The following CFAP47 variants were observed in gnomAD, a reference collection of about 807,000 sequenced individuals.
CFAP47 encodes the protein cilia and flagella associated protein 47, also known as cilia- and flagella-associated protein 47.
CFAP47 carries 29 observed loss-of-function variants against 148.1 expected under a neutral mutation model. The ratio of observed to expected loss-of-function variants is 0.20; its 90% confidence interval spans 0.15 to 0.27. CFAP47 has a LOEUF of 0.27. Ranked by LOEUF, CFAP47 falls within the 10% of genes least tolerant of loss-of-function variation. The pLI is 1.00. For missense variants in CFAP47, 1,872 were observed against 1,697.5 expected (o/e 1.10, Z -1.81); for synonymous variants, 664 against 577.3 (o/e 1.15, Z -2.15).
intron 53 of CFAP47, among the ~76,000 whole-genome samples, chrX:36,301,488 A>T (rs1408656345): frequency 9.1e-6 from 1 of 110,169 alleles, no homozygotes; most frequent in Admixed American, 9.9e-5. Context: ...ATCAAACAGA[A>T]AAAAGTTCAT....
chrX:36,081,150 A>G (rs112230691), intron 29 of CFAP47, among the ~76,000 whole-genome samples: 2 of 111,370 alleles, frequency 1.8e-5, no homozygotes, highest in African/African-American at 6.5e-5. Context: ...CACAATCAAA[A>G]TCACTAAATG....
intron 33 of CFAP47, among the ~76,000 whole-genome samples, chrX:36,125,931 T>C (rs2336368): frequency 0.098 from 10,894 of 111,000 alleles, 1,064 homozygotes; most frequent in African/African-American, 0.3. Context: ...TAAATATGTG[T>C]AACACTTATA....
intron 51 of CFAP47, among the ~76,000 whole-genome samples, chrX:36,296,928 A>G (rs782717209): frequency 5.4e-5 from 6 of 111,929 alleles, no homozygotes; most frequent in Non-Finnish European, 9.4e-5. Flanking sequence ...GTCACTGTTC[A>G]GTATTTTACA....
intron 48 of CFAP47, among the ~76,000 whole-genome samples, chrX:36,237,262 T>A (rs1940479956): frequency 8.9e-6 from 1 of 112,547 alleles, no homozygotes; most frequent in African/African-American, 3.2e-5. Flanking sequence ...GTGTAAATAA[T>A]GGTGGAAATA....
chrX:36,034,244 G>T (rs894930758), intron 23 of CFAP47, among the ~76,000 whole-genome samples: 7 of 111,378 alleles, frequency 6.3e-5, no homozygotes, highest in Non-Finnish European at 7.6e-5. Flanking sequence ...CACCTGATTA[G>T]ACTGAGTTTT....
intron 48 of CFAP47, among the ~76,000 whole-genome samples, chrX:36,249,026 C>T (rs1015279278): frequency 5.5e-5 from 6 of 109,772 alleles, no homozygotes; most frequent in Middle Eastern, 9.5e-3. Flanking sequence ...TTAGGAGGTG[C>T]ACCTGAAGCA....
chrX:36,129,303 A>T (rs1293769060), intron 33 of CFAP47, among the ~76,000 whole-genome samples: 1 of 110,200 alleles, frequency 9.1e-6, no homozygotes, highest in Non-Finnish European at 1.9e-5. Context: ...TTTTATTTTC[A>T]ATTTTTTTCT....
intron 27 of CFAP47, among the ~76,000 whole-genome samples, chrX:36,070,758 C>T (rs932073378): frequency 9.0e-5 from 10 of 111,642 alleles, no homozygotes; most frequent in Non-Finnish European, 1.7e-4. Flanking sequence ...TCCCAAAGTG[C>T]TGGGATTATA....
intron 51 of CFAP47, among the ~76,000 whole-genome samples, chrX:36,289,414 T>G (rs1391040574): frequency 2.7e-5 from 3 of 111,644 alleles, no homozygotes; most frequent in African/African-American, 9.8e-5. Flanking sequence ...GAAGCAAAAT[T>G]AGCATTCTGC....
chrX:36,269,527 C>A (rs967650857), intron 49 of CFAP47, among the ~76,000 whole-genome samples: 2 of 112,445 alleles, frequency 1.8e-5, no homozygotes, highest in Admixed American at 9.4e-5. Flanking sequence ...AACTACACTT[C>A]TGCACTTTGT....
chrX:36,082,375 G>T (rs1210476244), intron 29 of CFAP47, among the ~76,000 whole-genome samples: 1 of 111,573 alleles, frequency 9.0e-6, no homozygotes, highest in East Asian at 2.8e-4. Context: ...GAAGATAGAA[G>T]TAGCCCTGGA....
chrX:36,144,278 C>T lies in CFAP47; in HGVS notation c.5536-941C>T, dbSNP rs767263505. On this transcript the variant is annotated intron_variant, in intron 35 of 63. Coordinates refer to ENST00000378653, the MANE Select transcript of CFAP47 (RefSeq NM_001304548.2). The stretch of plus-strand genomic sequence containing the variant: ...TCTTCTGAGTTCCGACTAGCTTTTA[C>T]GGAGTCTGAGGTTACTAGATCAGTG... 8.1e-5 allele frequency among the ~76,000 whole-genome samples: 9 copies of T among 111,071 alleles called. No homozygotes were observed. In the East Asian group the frequency reaches 2.0e-3, roughly 25 times the overall value.
Position 35,956,065 on chromosome X carries a change from G to A in CFAP47, c.1279G>A (p.Gly427Ser). Residue 427 changes from glycine (G) to serine (S), a missense_variant, in exon 8 of 64, where the codon GGT (glycine) becomes AGT (serine). Coordinates refer to ENST00000378653, the MANE Select transcript of CFAP47 (RefSeq NM_001304548.2). The part of the protein sequence containing the change: ...PVLNFKPCFM[G>S]ERSEIQCIIK... ...TCTTAATTTTAAACCTTGTTTCATG[G>A]GTGAACGTTCAGAAATTCAGTGCAT... The A allele has an allele frequency of 8.3e-7, 1 of 1,210,915 alleles. No individual in the cohort carries two copies. Among genetic ancestry groups the A allele is most frequent in the Middle Eastern group, 2.3e-4 (1 of 4,352 alleles).
At position 36,003,932 on chromosome X, in the gene CFAP47, G is replaced by A. The variant is rs181567851; in HGVS notation, c.3417+2225G>A. On this transcript the variant is annotated intron_variant, in intron 21 of 63. Coordinates refer to ENST00000378653, the MANE Select transcript of CFAP47 (RefSeq NM_001304548.2). Reference sequence around the variant, plus strand: ...CTTTAGCAAAGCTGGAGGATACAAAGTCAGGGTACAAATCACTAGCATTTC... The same window carrying A: ...CTTTAGCAAAGCTGGAGGATACAAAATCAGGGTACAAATCACTAGCATTTC... Among the ~76,000 whole-genome samples the A allele has an allele frequency of 5.3e-3, 554 of 104,440 alleles. 5 individuals are homozygous for A. Among genetic ancestry groups the A allele is most frequent in the African/African-American group, 0.019 (529 of 28,558 alleles). The allele number at this position is 104,440 out of a possible 115,157, so 90.7% of individuals were successfully genotyped here. A position where few individuals can be genotyped will look rare whatever the true frequency, so the allele number is the denominator to read the frequency against.
Position 36,280,474 on chromosome X carries a change from T to C in CFAP47, c.7445-13T>C, listed in dbSNP as rs937540577. On this transcript the variant is annotated splice_polypyrimidine_tract_variant and intron_variant, in intron 49 of 63. Transcript: ENST00000378653. ...CCCTGATTAATAGGGCATCTTGTAC[T>C]TATGTGTTGTAGGTACAATTACATT... The C allele has an allele frequency of 3.1e-5, 15 of 488,005 alleles. No individual in the cohort carries two copies. The highest frequency in any genetic ancestry group is 2.8e-4 in the African/African-American group (12 of 42,452). 40.2% of individuals were successfully genotyped at this position (488,005 alleles called of 1,213,427 possible).
At chrX:35,962,607 G>A (rs1286416563) in intron 8 of CFAP47, among the ~76,000 whole-genome samples, 1 of 110,412 alleles carries the variant, frequency 9.1e-6, no homozygotes, top group Admixed American at 9.7e-5. Flanking sequence ...TCTTATATTA[G>A]TATGGGCACC....
rs782212526 is a variant in CFAP47 at position 36,231,579 on chromosome X, C to G, written c.7014+2755C>G. Among the ~76,000 whole-genome samples, 12 of 111,260 alleles carry G rather than the reference C, an allele frequency of 1.1e-4. No homozygotes were observed. The South Asian group carries it at 1.2e-3, about 11-fold the overall frequency. ...GCAAACAGGGACAATTTGACTTCCT[C>G]TTTTCCTAATTGAATACCCTTTATT... On this transcript the variant is annotated intron_variant, in intron 46 of 63. Transcript: ENST00000378653.
At chrX:36,011,520 A>G (rs1161125604) in intron 21 of CFAP47, among the ~76,000 whole-genome samples, 1 of 111,970 alleles carries the variant, frequency 8.9e-6, no homozygotes, top group Non-Finnish European at 1.9e-5. Flanking sequence ...ATATTCTGTC[A>G]GGTGGCTTTG....
chrX:35,953,459 T>C, intron 6 of CFAP47, 133 bp from the exon 7 acceptor site: 1 of 474,983 alleles, frequency 2.1e-6, no homozygotes. Context: ...GGATAATGGA[T>C]TACAGTTGTA....
Sources: gnomAD v4.1 joint callset for allele counts (sites outside exome capture counted in the v4.1 genomes callset) on GRCh38, gnomAD v4.1.1 for gene constraint, MANE v1.5 for transcripts, NCBI Gene and HGNC (gene_info 2026-07-23, HGNC 2026-07-21) for gene names.